The following DLC1 variants were observed in gnomAD, a reference collection of about 807,000 sequenced individuals.
DLC1 encodes the protein rho GTPase-activating protein 7.
A neutral mutation model predicts 140.3 loss-of-function variants in DLC1; 54 were observed. The observed-to-expected ratio is 0.38, with a 90% CI of 0.31 to 0.48. The LOEUF is 0.48. DLC1 is among the 20% of genes least tolerant of loss of function. The pLI, the probability that DLC1 is intolerant of heterozygous loss-of-function variation, is 0.96. For missense variants in DLC1, 2,536 were observed against 1,907.0 expected (o/e 1.33, Z -6.14); for synonymous variants, 986 against 728.1 (o/e 1.35, Z -5.70).
At chr8:13,399,466 T>G (rs1837203707) in intron 3 of DLC1, among the ~76,000 whole-genome samples, 1 of 152,168 alleles carries the variant, frequency 6.6e-6, no homozygotes, top group Admixed American at 6.5e-5. Context: ...TTTCTCATGG[T>G]AGGACTGTCA....
chr8:13,237,199 G>A (rs200122686), intron 5 of DLC1, among the ~76,000 whole-genome samples: 77 of 89,402 alleles, frequency 8.6e-4, no homozygotes, highest in African/African-American at 2.5e-3. Context: ...ATATATATAT[G>A]TGTGTGTGTG....
intron 5 of DLC1, among the ~76,000 whole-genome samples, chr8:13,177,115 T>G (rs924337794): frequency 1.3e-5 from 2 of 152,210 alleles, no homozygotes; most frequent in African/African-American, 4.8e-5. Context: ...AAAATTTTAA[T>G]TGTTTATAGT....
chr8:13,389,051 T>A (rs1836641264), intron 4 of DLC1, among the ~76,000 whole-genome samples: 2 of 152,100 alleles, frequency 1.3e-5, no homozygotes, highest in Non-Finnish European at 2.9e-5. Flanking sequence ...CCATATCCTG[T>A]GTACTCTTGA....
intron 5 of DLC1, among the ~76,000 whole-genome samples, chr8:13,209,331 T>G (rs1188847735): frequency 6.6e-6 from 1 of 152,180 alleles, no homozygotes; most frequent in Non-Finnish European, 1.5e-5. Context: ...TAATTTTCAC[T>G]ATATAAACAT....
chr8:13,288,828 A>G (rs1389157107), intron 5 of DLC1, among the ~76,000 whole-genome samples: 20 of 152,312 alleles, frequency 1.3e-4, no homozygotes. Flanking sequence ...GTGGGCTGAC[A>G]TTTGGGAGGA....
chr8:13,359,717 A>T (rs12677362), intron 4 of DLC1, among the ~76,000 whole-genome samples: 4 of 152,046 alleles, frequency 2.6e-5, no homozygotes, highest in African/African-American at 9.7e-5. Context: ...ATTGCTTGTT[A>T]TATATAATAA....
At chr8:13,176,431 T>C (rs1825762900) in intron 5 of DLC1, among the ~76,000 whole-genome samples, 1 of 152,176 alleles carries the variant, frequency 6.6e-6, no homozygotes, top group South Asian at 2.1e-4. Flanking sequence ...TACAAAAGAT[T>C]AGCTGGGAGT....
chr8:13,271,917 T>A (rs1357289550), intron 5 of DLC1, among the ~76,000 whole-genome samples: 1 of 152,180 alleles, frequency 6.6e-6, no homozygotes, highest in African/African-American at 2.4e-5. Context: ...CCTCAAGCAG[T>A]CCTCCTGCTG....
At chr8:13,377,600 C>T (rs140720501) in intron 4 of DLC1, among the ~76,000 whole-genome samples, 1 of 152,110 alleles carries the variant, frequency 6.6e-6, no homozygotes, top group African/African-American at 2.4e-5. Flanking sequence ...TCAAATATTC[C>T]CTTATCTATA....
At position 13,320,611 on chromosome 8, in the gene DLC1, A is replaced by C. The variant is rs375101050; in HGVS notation, c.1315-15309T>G. On this transcript the variant is annotated intron_variant, in intron 4 of 17. Transcript: ENST00000276297. Reference sequence around the variant, plus strand: ...TCCCCGATGTTGGAGGTGGGGTCTCATGGGAGGTGTTTGGGTCATGGGGTG... The same window carrying C: ...TCCCCGATGTTGGAGGTGGGGTCTCCTGGGAGGTGTTTGGGTCATGGGGTG... Among the ~76,000 whole-genome samples the C allele has an allele frequency of 1.9e-4, 29 of 152,152 alleles. No individual in the cohort carries two copies. In the East Asian group the frequency reaches 3.1e-3, roughly 16 times the overall value.
chr8:13,368,334 CCTT>C (rs1835584997), intron 4 of DLC1, among the ~76,000 whole-genome samples: 1 of 152,102 alleles, frequency 6.6e-6, no homozygotes, highest in African/African-American at 2.4e-5. Context: ...CGCTTTCCAT[CCTT>C]CTTTCTGGAA....
Position 13,090,370 on chromosome 8 carries a change from G to C in DLC1, c.3956C>G (p.Ala1319Gly). ...GTCCTGGAGGAAGTGTTGGTAGTCA[G>C]CTGAGTCATCATTACCCAGGTGCCC... ...ALGHLGNDDS[A>G]DYQHFLQDCV... The change falls in exon 15 of 18, where the codon GCT becomes GGT. Residue 1319 changes from alanine to glycine, a missense_variant. Ala to Gly is a moderately conservative substitution (Grantham distance 60, BLOSUM62 0). Coordinates refer to ENST00000276297, the MANE Select transcript of DLC1 (RefSeq NM_182643.3). 1 of 1,614,200 alleles carries C rather than the reference G, an allele frequency of 6.2e-7. No homozygotes were observed. Among genetic ancestry groups the C allele is most frequent in the Middle Eastern group, 1.7e-4 (1 of 6,060 alleles).
intron 1 of DLC1, among the ~76,000 whole-genome samples, chr8:13,537,318 T>TG (rs200870740): frequency 0.014 from 2,156 of 152,342 alleles, 29 homozygotes; most frequent in South Asian, 0.062. Flanking sequence ...TGTGATCACG[T>TG]GGGACATTGC....
chr8:13,319,478 G>C (rs896030797), intron 4 of DLC1, among the ~76,000 whole-genome samples: 34 of 115,632 alleles, frequency 2.9e-4, no homozygotes, highest in African/African-American at 7.9e-4. Context: ...GCGGGGCGGG[G>C]GGGGGGGGTG....
Position 13,454,185 on chromosome 8 carries a change from C to T in DLC1, c.1023+44864G>A, listed in dbSNP as rs183497660. Among the ~76,000 whole-genome samples the T allele has an allele frequency of 3.9e-5, 6 of 152,048 alleles. No individual in the cohort carries two copies. The East Asian group carries it at 1.2e-3, about 29-fold the overall frequency. ...AAACAAATGTTTGTCCAACAAAATG[C>T]TGAGAATCATGTCTCCTGGGAAACT... is the stretch of plus-strand genomic sequence containing the variant. On this transcript the variant is annotated intron_variant, in intron 2 of 17. Coordinates refer to ENST00000276297, the MANE Select transcript of DLC1 (RefSeq NM_182643.3).
intron 1 of DLC1, among the ~76,000 whole-genome samples, chr8:13,555,863 A>G (rs1045885875): frequency 7.2e-5 from 11 of 151,932 alleles, no homozygotes; most frequent in African/African-American, 2.7e-4. Context: ...TTTTTGTTAC[A>G]TATTAATGGT....
intron 2 of DLC1, among the ~76,000 whole-genome samples, chr8:13,457,366 C>T (rs1302511939): frequency 1.3e-5 from 2 of 151,952 alleles, no homozygotes; most frequent in African/African-American, 2.4e-5. Flanking sequence ...TTCTTAGAAA[C>T]AAAATCAAAA....
chr8:13,424,867 A>C (rs771737579), intron 2 of DLC1, among the ~76,000 whole-genome samples: 38 of 152,136 alleles, frequency 2.5e-4, no homozygotes, highest in Non-Finnish European at 4.6e-4. Flanking sequence ...CAAAATTAGT[A>C]ATTTAATAAA....
chr8:13,357,438 C>T (rs981658379), intron 4 of DLC1, among the ~76,000 whole-genome samples: 1 of 152,214 alleles, frequency 6.6e-6, no homozygotes, highest in African/African-American at 2.4e-5. Context: ...AGAGCTCTGC[C>T]AGGCCTGAGC....
Sources: allele counts gnomAD v4.1 joint callset (sites outside exome capture counted in the v4.1 genomes callset), GRCh38; gene constraint gnomAD v4.1.1; transcripts MANE v1.5; gene names NCBI Gene and HGNC (gene_info 2026-07-23, HGNC 2026-07-21).